The following PKN2 variants were observed in gnomAD, a reference collection of about 807,000 sequenced individuals.
PKN2 encodes the protein protein kinase N2.
A neutral mutation model predicts 119.1 loss-of-function variants in PKN2; 38 were observed. That is an observed-to-expected ratio of 0.32 (90% CI 0.25 to 0.42). The LOEUF (loss-of-function observed/expected upper bound fraction) is 0.42. Among genes scored for constraint, PKN2 ranks in the 10% least tolerant of loss-of-function variants. The pLI, the probability that PKN2 is intolerant of heterozygous loss-of-function variation, is 1.00. For synonymous variants in PKN2, 390 were observed against 384.9 expected (o/e 1.01, Z -0.15); for missense variants, 850 against 1,165.1 (o/e 0.73, Z 3.94).
intron 1 of PKN2, among the ~76,000 whole-genome samples, chr1:88,729,625 A>G (rs1487573027): frequency 1.3e-5 from 2 of 152,234 alleles, no homozygotes; most frequent in Non-Finnish European, 2.9e-5. Flanking sequence ...TCTAAGAGCA[A>G]AAACAAGCTA....
intron 1 of PKN2, 27 bp downstream of exon 1, chr1:88,684,655 C>G (rs1665997924): frequency 6.6e-7 from 1 of 1,504,056 alleles, no homozygotes. Context: ...TGGTGAGAGG[C>G]GCTGGCGGAG....
At chr1:88,743,974 C>T (rs1668671162) in intron 2 of PKN2, among the ~76,000 whole-genome samples, 1 of 152,078 alleles carries the variant, frequency 6.6e-6, no homozygotes, top group South Asian at 2.1e-4. Context: ...TTAGAATAAA[C>T]TTGATAAGTT....
In PKN2 at chr1:88,799,483, T is replaced by C. The variant is rs550122489; in HGVS notation, c.1282-4908T>C. On this transcript the variant is annotated intron_variant, in intron 8 of 21. Coordinates refer to ENST00000370521, the MANE Select transcript of PKN2 (RefSeq NM_006256.4). ...TCCTTCCTTCCCTGTCCTACCCTGT[T>C]TTTGGGCTGATGACTACAAAGTTCA... 2.2e-4 allele frequency among the ~76,000 whole-genome samples: 33 copies of C among 152,306 alleles called. No homozygotes were observed. The East Asian group carries it at 6.2e-3, about 28-fold the overall frequency.
intron 9 of PKN2, 49 bp downstream of exon 9, chr1:88,804,583 T>C: frequency 6.6e-7 from 1 of 1,517,382 alleles, no homozygotes; most frequent in Non-Finnish European, 9.1e-7. Flanking sequence ...TGAAATTACA[T>C]ATGTAGGCAG....
chr1:88,699,622 T>C (rs1019692845), intron 1 of PKN2, among the ~76,000 whole-genome samples: 3 of 152,124 alleles, frequency 2.0e-5, no homozygotes, highest in African/African-American at 7.2e-5. Flanking sequence ...TTTCCCTCGA[T>C]GAGTCCATGT....
At position 88,711,055 on chromosome 1, in the gene PKN2, A is replaced by G. The variant is rs115436188; in HGVS notation, c.48+26427A>G. On this transcript the variant is annotated intron_variant, in intron 1 of 21. Transcript: ENST00000370521. ...CTAACACAGGAACAGAAAACGAAATACTACATGTTCTGTCTTATAAGTGGG... is the reference window on the plus strand; with the variant it reads ...CTAACACAGGAACAGAAAACGAAATGCTACATGTTCTGTCTTATAAGTGGG... Among the ~76,000 whole-genome samples, 1,244 of 152,304 alleles carry G rather than the reference A, an allele frequency of 8.2e-3. 20 individuals are homozygous for G. The highest frequency in any genetic ancestry group is 0.028 in the African/African-American group (1,179 of 41,544).
At chr1:88,698,503 C>T (rs925507647) in intron 1 of PKN2, among the ~76,000 whole-genome samples, 9 of 152,216 alleles carry the variant, frequency 5.9e-5, no homozygotes, top group South Asian at 2.1e-4. Flanking sequence ...ACCTAGACTT[C>T]GCCAAGTGCT....
intron 6 of PKN2, chr1:88,781,159 A>G: frequency 2.3e-6 from 3 of 1,280,844 alleles, no homozygotes; most frequent in Non-Finnish European, 2.0e-6. Context: ...ACATGGATGA[A>G]TAGTAAGAGC....
At chr1:88,750,487 T>C (rs866261429) in intron 2 of PKN2, among the ~76,000 whole-genome samples, 3 of 152,312 alleles carry the variant, frequency 2.0e-5, no homozygotes, top group Middle Eastern at 3.4e-3. Context: ...ATTCAGTATT[T>C]ACTCCTTATT....
intron 2 of PKN2, among the ~76,000 whole-genome samples, chr1:88,758,900 C>T (rs1669329184): frequency 6.6e-6 from 1 of 152,300 alleles, no homozygotes; most frequent in South Asian, 2.1e-4. Flanking sequence ...TGGGTATATA[C>T]CCAGTAATGG....
intron 1 of PKN2, among the ~76,000 whole-genome samples, chr1:88,709,099 G>A (rs1204417527): frequency 6.6e-6 from 1 of 151,846 alleles, no homozygotes; most frequent in Non-Finnish European, 1.5e-5. Context: ...TGCCACCCAG[G>A]ATGGAGTACA....
At chr1:88,799,361 A>G (rs940271469) in intron 8 of PKN2, among the ~76,000 whole-genome samples, 1 of 152,178 alleles carries the variant, frequency 6.6e-6, no homozygotes, top group Non-Finnish European at 1.5e-5. Flanking sequence ...CATTTGTTCC[A>G]GCTGGAGAAT....
intron 1 of PKN2, among the ~76,000 whole-genome samples, chr1:88,689,883 T>C (rs775221382): frequency 6.6e-6 from 1 of 152,236 alleles, no homozygotes; most frequent in Non-Finnish European, 1.5e-5. Context: ...TTGAATAATA[T>C]AGCAATACAG....
intron 15 of PKN2, 112 bp downstream of exon 15, chr1:88,807,887 TTAAATA>T: frequency 1.6e-6 from 1 of 635,038 alleles, no homozygotes; most frequent in Non-Finnish European, 2.7e-6. Context: ...TGTGAAGAAA[TTAAATA>T]TAATGTATCT....
intron 1 of PKN2, among the ~76,000 whole-genome samples, chr1:88,714,897 T>C (rs974480504): frequency 6.6e-6 from 1 of 152,210 alleles, no homozygotes; most frequent in African/African-American, 2.4e-5. Flanking sequence ...CAGTATGATA[T>C]TGGCTGTGGG....
In PKN2 at chr1:88,704,807, C is replaced by T. The variant is rs958254508; in HGVS notation, c.48+20179C>T. On this transcript the variant is annotated intron_variant, in intron 1 of 21. Coordinates refer to ENST00000370521, the MANE Select transcript of PKN2 (RefSeq NM_006256.4). ...AAAAAAAAAAAAAAAAAAAGAGTTCCAGTTGCTCTACATTCTTACCAATAC... is the reference window on the plus strand; with the variant it reads ...AAAAAAAAAAAAAAAAAAAGAGTTCTAGTTGCTCTACATTCTTACCAATAC... Among the ~76,000 whole-genome samples the T allele has an allele frequency of 3.3e-5, 5 of 150,590 alleles. No homozygotes were observed. In the South Asian group the frequency reaches 6.3e-4, roughly 19 times the overall value.
intron 6 of PKN2, among the ~76,000 whole-genome samples, chr1:88,774,666 A>G (rs566924049): frequency 6.6e-6 from 1 of 151,178 alleles, no homozygotes; most frequent in South Asian, 2.1e-4. Context: ...TCTGAGTTCT[A>G]GTACTACCTT....
rs1008045773 is a variant in PKN2 at position 88,746,591 on chromosome 1, C to G, written c.349+5303C>G. Among the ~76,000 whole-genome samples, 11 of 151,830 alleles carry G rather than the reference C, an allele frequency of 7.2e-5. No homozygotes were observed. In the South Asian group the frequency reaches 2.3e-3, roughly 32 times the overall value. On this transcript the variant is annotated intron_variant, in intron 2 of 21. Transcript: ENST00000370521. ...TCATGTGTATTAGATTGGCTATTATCAAAAAAATGGAAGGTAAGTGATGGC... is the reference window on the plus strand; with the variant it reads ...TCATGTGTATTAGATTGGCTATTATGAAAAAAATGGAAGGTAAGTGATGGC...
At chr1:88,734,598 A>G (rs1048668161) in intron 1 of PKN2, among the ~76,000 whole-genome samples, 1 of 152,116 alleles carries the variant, frequency 6.6e-6, no homozygotes, top group African/African-American at 2.4e-5. Flanking sequence ...TACTATAGCT[A>G]TGTAATGTGT....
Sources: allele counts gnomAD v4.1 joint callset (sites outside exome capture counted in the v4.1 genomes callset), GRCh38; gene constraint gnomAD v4.1.1; transcripts MANE v1.5; gene names NCBI Gene and HGNC (gene_info 2026-07-23, HGNC 2026-07-21).